Variants in SLC14A2 observed in about 807,000 individuals in gnomAD.
The protein encoded by SLC14A2 is solute carrier family 14 member 2, also known as urea transporter 2.
Under a neutral mutation model 104.6 loss-of-function variants are expected in SLC14A2, and 91 were observed. That is an observed-to-expected ratio of 0.87 (90% CI 0.73 to 1.04). The LOEUF is 1.04. Ranked by LOEUF, SLC14A2 falls within the 50% of genes least tolerant of loss-of-function variation. The pLI is 0.00. For missense variants in SLC14A2, 1,189 were observed against 1,156.0 expected (o/e 1.03, Z -0.41); for synonymous variants, 476 against 466.4 (o/e 1.02, Z -0.27).
chr18:45,668,055 A>C, intron 14 of SLC14A2, 33 bp downstream of exon 14: 1 of 1,597,986 alleles, frequency 6.3e-7, no homozygotes, highest in Non-Finnish European at 8.6e-7. Flanking sequence ...CCAAACATGT[A>C]GCCAAGAAGT....
At chr18:45,663,067 G>T (rs752837082) in intron 10 of SLC14A2, among the ~76,000 whole-genome samples, 3 of 152,180 alleles carry the variant, frequency 2.0e-5, no homozygotes, top group East Asian at 1.9e-4. Flanking sequence ...GCTGATTACA[G>T]ACTCAGCACT....
chr18:45,209,437 G>A (rs558671710), upstream of SLC14A2, among the ~76,000 whole-genome samples: 1 of 152,162 alleles, frequency 6.6e-6, no homozygotes, highest in East Asian at 1.9e-4. Context: ...TTTACAGCAG[G>A]ATTTATGAGA....
chr18:45,555,091 T>G (rs985580457), intron 2 of SLC14A2, among the ~76,000 whole-genome samples: 4 of 152,216 alleles, frequency 2.6e-5, no homozygotes, highest in African/African-American at 9.6e-5. Context: ...TTGAATGAGC[T>G]GAATAAGTTA....
chr18:45,667,551 G>T (rs2046046925), intron 13 of SLC14A2, among the ~76,000 whole-genome samples: 1 of 152,194 alleles, frequency 6.6e-6, no homozygotes, highest in African/African-American at 2.4e-5. Context: ...AAAATTCATG[G>T]TACCACCACA....
chr18:45,327,429 A>C (rs898206429), intron 1 of SLC14A2, among the ~76,000 whole-genome samples: 1 of 152,106 alleles, frequency 6.6e-6, no homozygotes, highest in Admixed American at 6.6e-5. Flanking sequence ...GTACATTCGC[A>C]ATGCCATGCA....
intron 1 of SLC14A2, among the ~76,000 whole-genome samples, chr18:45,358,689 C>T (rs113094271): frequency 1.9e-3 from 284 of 152,206 alleles, no homozygotes; most frequent in Middle Eastern, 0.017. Flanking sequence ...GCAATCCTGC[C>T]GCCTCAGCCT....
intron 2 of SLC14A2, among the ~76,000 whole-genome samples, chr18:45,489,380 G>A (rs2087675829): frequency 6.6e-6 from 1 of 152,048 alleles, no homozygotes; most frequent in Non-Finnish European, 1.5e-5. Flanking sequence ...GTGTGGTGGT[G>A]TGCTCCTGTG....
At chr18:45,645,632 A>ATATATATATATATATATATATAC (rs1568312070) in intron 10 of SLC14A2, among the ~76,000 whole-genome samples, 1 of 7,096 alleles carries the variant, frequency 1.4e-4, no homozygotes, top group Non-Finnish European at 4.9e-4. Context: ...TACATATACA[A>ATATATATATATATATATATATAC]AGATATATAT....
intron 1 of SLC14A2, among the ~76,000 whole-genome samples, chr18:45,238,242 T>C (rs181586344): frequency 6.6e-6 from 1 of 152,348 alleles, no homozygotes; most frequent in Admixed American, 6.5e-5. Context: ...CAGGCTTTTA[T>C]TGAGCACTTG....
intron 1 of SLC14A2, among the ~76,000 whole-genome samples, chr18:45,318,868 C>T (rs955302125): frequency 6.6e-6 from 1 of 152,070 alleles, no homozygotes; most frequent in African/African-American, 2.4e-5. Flanking sequence ...TCCAAGGAGG[C>T]CTCAGTGAAT....
the SLC14A2 span, among the ~76,000 whole-genome samples, chr18:45,178,916 G>A: frequency 6.6e-6 from 1 of 152,182 alleles, no homozygotes; most frequent in Non-Finnish European, 1.5e-5. Context: ...GATGGAAGGT[G>A]TTAATCACTT....
chr18:45,286,392 A>G (rs1197266094), intron 1 of SLC14A2, among the ~76,000 whole-genome samples: 6 of 152,172 alleles, frequency 3.9e-5, no homozygotes, highest in African/African-American at 7.2e-5. Flanking sequence ...CACATGCCCA[A>G]AGCTCTCATT....
intron 1 of SLC14A2, among the ~76,000 whole-genome samples, chr18:45,355,304 G>A (rs560384342): frequency 4.6e-5 from 7 of 152,140 alleles, no homozygotes; most frequent in East Asian, 1.9e-4. Flanking sequence ...GGCCTGGCGC[G>A]GTGGCTCACA....
chr18:45,198,018 C>G, the SLC14A2 span, among the ~76,000 whole-genome samples: 13 of 152,160 alleles, frequency 8.5e-5, no homozygotes, highest in African/African-American at 3.1e-4. Flanking sequence ...ATAAGTTATA[C>G]TGATTATAAC....
chr18:45,305,012 C>G (rs954451982), intron 1 of SLC14A2, among the ~76,000 whole-genome samples: 1 of 152,228 alleles, frequency 6.6e-6, no homozygotes, highest in African/African-American at 2.4e-5. Flanking sequence ...GAAACTACCC[C>G]CTGAGAATCA....
At chr18:45,354,352 G>A (rs1241770665) in intron 1 of SLC14A2, among the ~76,000 whole-genome samples, 1 of 152,212 alleles carries the variant, frequency 6.6e-6, no homozygotes, top group Admixed American at 6.5e-5. Flanking sequence ...TTGAGAAATA[G>A]GCAGAGCTGG....
chr18:45,366,328 C>G lies in SLC14A2; in HGVS notation c.-124-116905C>G, dbSNP rs201767009. Reference sequence around the variant, plus strand: ...CCTTCCACAACTGCTCTCCTCTCCTCAAGAAAGGTTTGAGATAAACAGAGA... The same window carrying G: ...CCTTCCACAACTGCTCTCCTCTCCTGAAGAAAGGTTTGAGATAAACAGAGA... On this transcript the variant is annotated intron_variant, in intron 1 of 20. Coordinates refer to the SLC14A2 transcript ENST00000586448. 5.9e-5 allele frequency among the ~76,000 whole-genome samples: 9 copies of G among 152,254 alleles called. No individual in the cohort carries two copies. In the East Asian group the frequency reaches 1.2e-3, roughly 20 times the overall value.
chr18:45,679,951 C>G (rs1317710734), intron 19 of SLC14A2, among the ~76,000 whole-genome samples: 1 of 152,208 alleles, frequency 6.6e-6, no homozygotes, highest in African/African-American at 2.4e-5. Context: ...AGTCCTCTCC[C>G]TTGGAACAGG....
At chr18:45,650,307 C>CATAAACACA (rs2045710142) in intron 10 of SLC14A2, among the ~76,000 whole-genome samples, 1 of 152,026 alleles carries the variant, frequency 6.6e-6, no homozygotes, top group African/African-American at 2.4e-5. Context: ...AATAGAAGAT[C>CATAAACACA]CATGTGTGTT....
Sources: allele counts gnomAD v4.1 joint callset (sites outside exome capture counted in the v4.1 genomes callset), GRCh38; gene constraint gnomAD v4.1.1; transcripts MANE v1.5; gene names NCBI Gene and HGNC (gene_info 2026-07-23, HGNC 2026-07-21).